The following ENTPD3 variants were observed in gnomAD, a reference collection of about 807,000 sequenced individuals.
ENTPD3 encodes ectonucleoside triphosphate diphosphohydrolase 3.
In ENTPD3, 60 loss-of-function variants were observed where a neutral mutation model predicts 51.2. The ratio of observed to expected loss-of-function variants is 1.17; its 90% confidence interval spans 0.95 to 1.45. The LOEUF is 1.45. Ranked by LOEUF, ENTPD3 falls within the 40% of genes most tolerant of loss-of-function variation. The pLI, the probability that ENTPD3 is intolerant of heterozygous loss-of-function variation, is 0.00. For missense variants in ENTPD3, 593 were observed against 641.1 expected (o/e 0.93, Z 0.81); for synonymous variants, 221 against 238.4 (o/e 0.93, Z 0.67).
intron 7 of ENTPD3, among the ~76,000 whole-genome samples, chr3:40,421,642 A>C (rs887106063): frequency 6.6e-6 from 1 of 152,186 alleles, no homozygotes; most frequent in African/African-American, 2.4e-5. Context: ...TCCTTAAATA[A>C]AGTATGGTTT....
Position 40,424,876 on chromosome 3 carries a change from C to A in ENTPD3, c.1353+913C>A, listed in dbSNP as rs1955953221. 9 of 677,580 alleles carry A rather than the reference C, an allele frequency of 1.3e-5. No homozygotes were observed. In the Admixed American group the frequency reaches 1.6e-4, roughly 12 times the overall value. The allele number at this position is 677,580 out of a possible 1,614,324, so 42.0% of individuals were successfully genotyped here. A position where few individuals can be genotyped will look rare whatever the true frequency, so the allele number is the denominator to read the frequency against. On this transcript the variant is annotated intron_variant, in intron 10 of 10. Coordinates refer to ENST00000301825, the MANE Select transcript of ENTPD3 (RefSeq NM_001248.4). ...TATCCTGCATTAGGCCTCTGACTATCTACTTTTACATAAATAAAATTGAGT... is the reference window on the plus strand; with the variant it reads ...TATCCTGCATTAGGCCTCTGACTATATACTTTTACATAAATAAAATTGAGT...
At position 40,422,908 on chromosome 3, in the gene ENTPD3, G is replaced by C; in HGVS notation, c.890G>C (p.Ser297Thr). 6.2e-7 allele frequency: 1 copy of C among 1,613,932 alleles called. No individual in the cohort carries two copies. The highest frequency in any genetic ancestry group is 8.5e-7 in the Non-Finnish European group (1 of 1,179,964). ...NPCYPRDYSISFTMGHVFDSL... is the reference protein window; with the variant it reads ...NPCYPRDYSITFTMGHVFDSL... ...TGTTACCCTCGGGATTATAGCATCA[G>C]CTTCACCATGGGCCATGTATTTGAT... The change falls in exon 8 of 11, where the codon AGC becomes ACC. Residue 297 changes from serine (S) to threonine (T), a missense_variant. Coordinates refer to ENST00000301825, the MANE Select transcript of ENTPD3 (RefSeq NM_001248.4).
chr3:40,421,827 T>A (rs1195416921), intron 7 of ENTPD3, among the ~76,000 whole-genome samples: 1 of 152,144 alleles, frequency 6.6e-6, no homozygotes, highest in African/African-American at 2.4e-5. Context: ...GGAGAAAATA[T>A]ATATATTTGC....
At chr3:40,423,532 A>G (rs1955923498) in intron 9 of ENTPD3, 131 bp downstream of exon 9, 2 of 760,174 alleles carry the variant, frequency 2.6e-6, no homozygotes, top group Non-Finnish European at 4.2e-6. Flanking sequence ...AAAAGGAATA[A>G]GGGAATCTAC....
At chr3:40,418,983 A>AC (rs1415384043) in intron 7 of ENTPD3, among the ~76,000 whole-genome samples, 1 of 152,160 alleles carries the variant, frequency 6.6e-6, no homozygotes, top group African/African-American at 2.4e-5. Context: ...AAAGAGTGTT[A>AC]AAGTCAAAAT....
At chr3:40,425,141 G>C (rs967576603) in intron 10 of ENTPD3, 3 of 201,946 alleles carry the variant, frequency 1.5e-5, no homozygotes, top group Non-Finnish European at 3.1e-5. Context: ...ATGTAGGCTG[G>C]GCACGGTGGC....
chr3:40,425,398 A>G (rs1022627329), intron 10 of ENTPD3, among the ~76,000 whole-genome samples: 8 of 152,088 alleles, frequency 5.3e-5, no homozygotes, highest in African/African-American at 1.7e-4. Flanking sequence ...CCTGGGCAAC[A>G]ACAGCAAAAC....
At chr3:40,411,995 G>T in intron 5 of ENTPD3, 33 bp downstream of exon 5, 2 of 1,582,658 alleles carry the variant, frequency 1.3e-6, no homozygotes, top group South Asian at 2.4e-5. Context: ...GAGCCCATTT[G>T]ACCAAAATAA....
At chr3:40,416,222 C>T in intron 7 of ENTPD3, 149 bp downstream of exon 7, 3 of 619,284 alleles carry the variant, frequency 4.8e-6, no homozygotes, top group Non-Finnish European at 8.6e-6. Context: ...CCTGGGGGTC[C>T]AAGTCCCTTT....
intron 3 of ENTPD3, chr3:40,392,500 G>T: frequency 5.4e-6 from 1 of 185,860 alleles, no homozygotes; most frequent in Non-Finnish European, 1.1e-5. Flanking sequence ...CACTTTGGGA[G>T]GCTGAGGCAG....
At chr3:40,415,347 G>A (rs1013453044) in intron 6 of ENTPD3, among the ~76,000 whole-genome samples, 1 of 152,054 alleles carries the variant, frequency 6.6e-6, no homozygotes, top group Non-Finnish European at 1.5e-5. Flanking sequence ...ATGTTACAGG[G>A]GGCACAAAAC....
chr3:40,392,129 G>A lies in ENTPD3; in HGVS notation c.147G>A (p.Glu49=), dbSNP rs1955071623. The change falls in exon 3 of 11, where the codon GAG becomes GAA. Residue 49 remains glutamate (E), a synonymous_variant. Transcript: ENST00000301825. ...SITVIQIHKQ[E]VLPPGLKYGI... The stretch of plus-strand genomic sequence containing the variant: ...CTGTCATCCAGATCCACAAGCAAGA[G>A]GTCCTCCCTCCAGGACTGAAGGTAA... The A allele has an allele frequency of 6.2e-7, 1 of 1,614,050 alleles. No individual in the cohort carries two copies. Among genetic ancestry groups the A allele is most frequent in the Non-Finnish European group, 8.5e-7 (1 of 1,180,038 alleles).
chr3:40,424,799 G>A (rs1289814443), intron 10 of ENTPD3: 1 of 701,786 alleles, frequency 1.4e-6, no homozygotes, highest in Admixed American at 2.0e-5. Flanking sequence ...AGGATGTCTG[G>A]AGTCAGCCTG....
At chr3:40,416,605 A>G (rs1367699238) in intron 7 of ENTPD3, among the ~76,000 whole-genome samples, 4 of 152,180 alleles carry the variant, frequency 2.6e-5, no homozygotes, top group African/African-American at 7.2e-5. Flanking sequence ...TTCATTTGAT[A>G]AGTGTTCCAG....
chr3:40,389,357 G>A (rs1955006779), intron 2 of ENTPD3, among the ~76,000 whole-genome samples: 1 of 152,186 alleles, frequency 6.6e-6, no homozygotes, highest in Non-Finnish European at 1.5e-5. Flanking sequence ...TCACAGAAAA[G>A]TGATACAGGA....
chr3:40,387,989 A>G, intron 1 of ENTPD3, 57 bp from the exon 2 acceptor site: 2 of 1,454,742 alleles, frequency 1.4e-6, no homozygotes, highest in Non-Finnish European at 1.9e-6. Context: ...CTCGTTCTTT[A>G]AACTTGTGAG....
intron 8 of ENTPD3, 76 bp downstream of exon 8, chr3:40,423,198 G>T (rs990887593): frequency 6.4e-7 from 1 of 1,559,616 alleles, no homozygotes; most frequent in East Asian, 2.3e-5. Flanking sequence ...CTCCTCTGCT[G>T]ACTTGTTAGC....
chr3:40,411,306 G>A (rs202232997), intron 4 of ENTPD3, among the ~76,000 whole-genome samples: 8 of 73,170 alleles, frequency 1.1e-4, no homozygotes, highest in African/African-American at 8.1e-5. Context: ...AAAAAAAAAA[G>A]AAAAAAAGAA....
chr3:40,405,773 C>T (rs990705526), intron 4 of ENTPD3, among the ~76,000 whole-genome samples: 1 of 152,128 alleles, frequency 6.6e-6, no homozygotes, highest in Admixed American at 6.5e-5. Context: ...CAAGGTTTCA[C>T]CATTCTATCT....
Sources: allele counts gnomAD v4.1 joint callset (sites outside exome capture counted in the v4.1 genomes callset), GRCh38; gene constraint gnomAD v4.1.1; transcripts MANE v1.5; gene names NCBI Gene and HGNC (gene_info 2026-07-23, HGNC 2026-07-21).